The following ISM1 variants were observed in gnomAD, a reference collection of about 807,000 sequenced individuals.
ISM1 encodes the protein isthmin-1.
In ISM1, 25 loss-of-function variants were observed where a neutral mutation model predicts 46.3. The ratio of observed to expected loss-of-function variants is 0.54; its 90% CI spans 0.39 to 0.75. The LOEUF (loss-of-function observed/expected upper bound fraction) is 0.75, where lower values mean the gene tolerates loss of function less well. Ranked by LOEUF, ISM1 falls within the 30% of genes least tolerant of loss-of-function variation. The probability of loss-of-function intolerance (pLI) is 0.00; values close to 1 mark genes in which losing one functional copy is unlikely to be tolerated. For missense variants in ISM1, 536 were observed against 625.4 expected (o/e 0.86, Z 1.52); for synonymous variants, 255 against 256.7 (o/e 0.99, Z 0.06).
intron 1 of ISM1, among the ~76,000 whole-genome samples, chr20:13,227,615 T>C (rs2039541623): frequency 6.6e-6 from 1 of 151,588 alleles, no homozygotes. Flanking sequence ...TTCACGCCAT[T>C]CTCCTGCTTC....
chr20:13,222,213 A>G (rs2039458916), intron 1 of ISM1, among the ~76,000 whole-genome samples: 1 of 152,030 alleles, frequency 6.6e-6, no homozygotes, highest in Admixed American at 6.6e-5. Flanking sequence ...GGATGAGCAG[A>G]GGAAGTGTGG....
intron 1 of ISM1, among the ~76,000 whole-genome samples, chr20:13,265,073 G>T (rs187470134): frequency 5.9e-5 from 9 of 152,256 alleles, no homozygotes; most frequent in African/African-American, 1.9e-4. Context: ...ATTTAACTCT[G>T]TTATTTCATA....
At position 13,221,601 on chromosome 20, in the gene ISM1, C is replaced by A. The variant is rs1345885608; in HGVS notation, c.-176C>A. ...GCCGGCAGCTCCTGCTCCCCCGGCC[C>A]CGCACACCCCGCCGCGCCCAGCGCC... is the stretch of plus-strand genomic sequence containing the variant. On this transcript the variant is annotated 5_prime_UTR_variant, in exon 1 of 6. Transcript: ENST00000262487. Among the ~76,000 whole-genome samples the A allele has an allele frequency of 4.8e-5, 7 of 146,600 alleles. No homozygotes were observed. In the Middle Eastern group the frequency reaches 0.014, roughly 289 times the overall value.
At chr20:13,303,323 T>G (rs573604197), downstream of ISM1, among the ~76,000 whole-genome samples, 3 of 152,354 alleles carry the variant, frequency 2.0e-5, no homozygotes, top group East Asian at 3.9e-4. Flanking sequence ...TTTATCTCTA[T>G]GTATTTTGCC....
chr20:13,225,539 AT>A (rs1215099384), intron 1 of ISM1, among the ~76,000 whole-genome samples: 2 of 152,180 alleles, frequency 1.3e-5, no homozygotes, highest in African/African-American at 4.8e-5. Flanking sequence ...GACTCTTTGT[AT>A]GACTGTCTCC....
chr20:13,289,464 T>A (rs1022511756), intron 4 of ISM1, among the ~76,000 whole-genome samples: 2 of 152,206 alleles, frequency 1.3e-5, no homozygotes, highest in Admixed American at 6.5e-5. Flanking sequence ...AAAACTAAAC[T>A]AATTGCACAC....
At chr20:13,288,847 C>T (rs2040322443) in intron 4 of ISM1, among the ~76,000 whole-genome samples, 164 bp downstream of exon 4, 1 of 151,878 alleles carries the variant, frequency 6.6e-6, no homozygotes, top group Admixed American at 6.6e-5. Context: ...TGCAGTGGCA[C>T]AATCTCAGCT....
intron 1 of ISM1, among the ~76,000 whole-genome samples, chr20:13,240,739 G>A (rs1398837757): frequency 1.3e-5 from 2 of 152,152 alleles, no homozygotes; most frequent in African/African-American, 4.8e-5. Context: ...TCAGGTAAGA[G>A]GTGATGGGAT....
intron 3 of ISM1, 105 bp downstream of exon 3, chr20:13,280,003 G>T (rs1400009883): frequency 8.5e-7 from 1 of 1,176,144 alleles, no homozygotes; most frequent in Non-Finnish European, 1.2e-6. Context: ...GTGGCTTTTG[G>T]TCTTCTGTGA....
In ISM1 at chr20:13,272,565, T is replaced by C. The variant is rs905083959; in HGVS notation, c.378+1822T>C. Among the ~76,000 whole-genome samples, 3 of 152,194 alleles carry C rather than the reference T, an allele frequency of 2.0e-5. No individual in the cohort carries two copies. In the East Asian group the frequency reaches 5.8e-4, roughly 29 times the overall value. On this transcript the variant is annotated intron_variant, in intron 2 of 5. Transcript: ENST00000262487. Reference sequence around the variant, plus strand: ...AAAGAAGTCGGACAGGCTCTATTGATGGCACAGAGTGACAAATATTTTGGA... The same window carrying C: ...AAAGAAGTCGGACAGGCTCTATTGACGGCACAGAGTGACAAATATTTTGGA...
downstream of ISM1, among the ~76,000 whole-genome samples, chr20:13,305,218 AAC>A (rs1194622671): frequency 1.2e-4 from 17 of 140,328 alleles, no homozygotes; most frequent in African/African-American, 7.7e-5. Context: ...AAAAAAAAAA[AAC>A]CCTTAATTTT....
chr20:13,271,024 GAC>G, intron 2 of ISM1, among the ~76,000 whole-genome samples: 1 of 152,104 alleles, frequency 6.6e-6, no homozygotes, highest in Non-Finnish European at 1.5e-5. Context: ...TAATTTAAGA[GAC>G]AGTGAAATAT....
At chr20:13,312,113 G>T in the ISM1 span, among the ~76,000 whole-genome samples, 1 of 152,098 alleles carries the variant, frequency 6.6e-6, no homozygotes, top group Non-Finnish European at 1.5e-5. Flanking sequence ...GTGTTGATAC[G>T]AGTTAAATCT....
At position 13,221,467 on chromosome 20, in the gene ISM1, T is replaced by TCCGCCG. The variant is rs1415339300; in HGVS notation, c.-298_-293dup. The stretch of plus-strand genomic sequence containing the variant: ...GCTGTCCCGGGACCCAGTCTCCGTC[T>TCCGCCG]CCGCCGCCGCCGCCGCCAGGCAGCG... On this transcript the variant is annotated 5_prime_UTR_variant, in exon 1 of 6. Coordinates refer to ENST00000262487, the MANE Select transcript of ISM1 (RefSeq NM_080826.2). Among the ~76,000 whole-genome samples, 10 of 142,120 alleles carry TCCGCCG rather than the reference T, an allele frequency of 7.0e-5. No individual in the cohort carries two copies. The highest frequency in any genetic ancestry group is 6.6e-4 in the East Asian group (3 of 4,514). 93.2% of individuals were successfully genotyped at this position (142,120 alleles called of 152,430 possible).
At chr20:13,317,088 G>T in the ISM1 span, among the ~76,000 whole-genome samples, 1 of 151,854 alleles carries the variant, frequency 6.6e-6, no homozygotes. Context: ...AATTATAGCG[G>T]CATTGCAGGA....
chr20:13,270,537 G>A lies in ISM1; in HGVS notation c.172G>A (p.Glu58Lys). The A allele has an allele frequency of 6.2e-7, 1 of 1,613,762 alleles. No homozygotes were observed. Among genetic ancestry groups the A allele is most frequent in the Non-Finnish European group, 8.5e-7 (1 of 1,179,804 alleles). The part of the protein sequence containing the change: ...NLNVGSDTTS[E>K]TSFSLSKEAP... Reference sequence around the variant, plus strand: ...CAACGTGGGAAGTGACACCACATCAGAAACCAGCTTTTCTCTCTCCAAAGA... The same window carrying A: ...CAACGTGGGAAGTGACACCACATCAAAAACCAGCTTTTCTCTCTCCAAAGA... The change falls in exon 2 of 6, where the codon GAA becomes AAA. Residue 58 changes from glutamate (E) to lysine (K), a missense_variant. Around this residue, in one of 2 missense-constraint regions of ISM1, gnomAD observed 367 missense variants for 376.1 expected, o/e 0.98. Transcript: ENST00000262487.
chr20:13,268,962 G>A (rs2040079470), intron 1 of ISM1, among the ~76,000 whole-genome samples: 1 of 152,084 alleles, frequency 6.6e-6, no homozygotes, highest in Non-Finnish European at 1.5e-5. Context: ...CCTTCCCTAA[G>A]GTTAGCTCTC....
At chr20:13,253,229 G>A (rs8120724) in intron 1 of ISM1, among the ~76,000 whole-genome samples, 16,399 of 152,118 alleles carry the variant, frequency 0.11, 1,042 homozygotes, top group African/African-American at 0.16. Flanking sequence ...CTCACCCTGC[G>A]TGTTGATCTC....
At chr20:13,305,731 G>A in the ISM1 span, among the ~76,000 whole-genome samples, 1 of 152,122 alleles carries the variant, frequency 6.6e-6, no homozygotes, top group African/African-American at 2.4e-5. Context: ...GAAGGAGAGG[G>A]ACATATTCCA....
Sources: gnomAD v4.1 joint callset for allele counts (sites outside exome capture counted in the v4.1 genomes callset) on GRCh38, gnomAD v4.1.1 for gene constraint, gnomAD v4.1.1 regional missense constraint, MANE v1.5 for transcripts, NCBI Gene and HGNC (gene_info 2026-07-23, HGNC 2026-07-21) for gene names.